Variants in MED15 observed in about 807,000 individuals in gnomAD.
MED15 encodes the protein mediator complex subunit 15.
A neutral mutation model predicts 118.7 loss-of-function variants in MED15; 41 were observed. The observed-to-expected ratio is 0.35, with a 90% CI of 0.27 to 0.45. The LOEUF (loss-of-function observed/expected upper bound fraction) is 0.45. Among genes scored for constraint, MED15 ranks in the 20% least tolerant of loss-of-function variants. The pLI is 1.00. For missense variants in MED15, 740 were observed against 1,025.5 expected, an observed-to-expected ratio of 0.72 and a Z score of 3.80; for synonymous variants, 436 against 413.9, an observed-to-expected ratio of 1.05 and a Z score of -0.65.
At chr22:20,575,908 CGTGGCCAAT>C (rs1299794374) in intron 9 of MED15, among the ~76,000 whole-genome samples, 1 of 152,156 alleles carries the variant, frequency 6.6e-6, no homozygotes, top group Non-Finnish European at 1.5e-5. Flanking sequence ...GACTCCAGAA[CGTGGCCAAT>C]GTGGCCAAAG....
intron 1 of MED15, among the ~76,000 whole-genome samples, chr22:20,535,726 A>ATT (rs1307661597): frequency 6.6e-6 from 1 of 150,718 alleles, no homozygotes; most frequent in East Asian, 2.0e-4. Flanking sequence ...TGCCCAGCTA[A>ATT]TTTTTTGTAT....
At chr22:20,527,508 C>T (rs2054689500) in intron 1 of MED15, among the ~76,000 whole-genome samples, 1 of 151,786 alleles carries the variant, frequency 6.6e-6, no homozygotes, top group African/African-American at 2.4e-5. Flanking sequence ...GTGATGTGTT[C>T]ATGGCTCACT....
At chr22:20,571,349 T>C (rs757263305) in intron 8 of MED15, among the ~76,000 whole-genome samples, 24 of 152,166 alleles carry the variant, frequency 1.6e-4, no homozygotes, top group Non-Finnish European at 2.6e-4. Context: ...GGAAGGAGGA[T>C]GGAGAGTGGT....
chr22:20,548,937 C>T (rs2055663756), intron 2 of MED15, among the ~76,000 whole-genome samples: 1 of 152,126 alleles, frequency 6.6e-6, no homozygotes. Context: ...AGGCCACTGG[C>T]GTGTGCTACC....
rs760307408 is a variant in MED15, at chr22:20,507,717, C to T, written c.39C>T (p.Thr13=). 4.3e-6 allele frequency: 7 copies of T among 1,613,920 alleles called. No homozygotes were observed. The South Asian group carries it at 4.4e-5, about 10-fold the overall frequency. ...GGCAAGAGACCGACTGGCGGAGCAC[C>T]GCCTTCCGGCAGAAGCTGGTCAGTC... The part of the protein sequence containing the change: ...VSGQETDWRS[T]AFRQKLVSQI... The change falls in exon 1 of 18, where the codon ACC becomes ACT. Residue 13 remains threonine, a synonymous_variant. Coordinates refer to ENST00000263205, the MANE Select transcript of MED15 (RefSeq NM_001003891.3).
chr22:20,579,875 G>A (rs1431015836), intron 9 of MED15, among the ~76,000 whole-genome samples: 1 of 152,024 alleles, frequency 6.6e-6, no homozygotes, highest in Non-Finnish European at 1.5e-5. Flanking sequence ...CCTTCCCTAG[G>A]ATGTGTGACA....
chr22:20,549,110 T>C (rs2055671403), intron 2 of MED15, among the ~76,000 whole-genome samples: 1 of 151,892 alleles, frequency 6.6e-6, no homozygotes, highest in Admixed American at 6.6e-5. Context: ...CTCTATGGAG[T>C]TTTTTAAGGT....
chr22:20,582,999 C>T (rs760926900), intron 11 of MED15, 32 bp downstream of exon 11: 6 of 1,601,728 alleles, frequency 3.7e-6, no homozygotes, highest in Middle Eastern at 1.7e-4. Context: ...AAGGTCACTC[C>T]TCACCTTTAT....
Position 20,570,408 on chromosome 22 carries a change from T to C in MED15, c.1152+1777T>C, listed in dbSNP as rs77691211. The stretch of plus-strand genomic sequence containing the variant: ...TTCTTTCTGTCTTTTTTTTTTTTTT[T>C]TGAGACAGAGTCTGACTCTGTCATC... On this transcript the variant is annotated intron_variant, in intron 8 of 17. Coordinates refer to ENST00000263205, the MANE Select transcript of MED15 (RefSeq NM_001003891.3). 4.2e-3 allele frequency among the ~76,000 whole-genome samples: 630 copies of C among 150,960 alleles called. 7 individuals carry two copies. Among genetic ancestry groups the C allele is most frequent in the African/African-American group, 0.015 (602 of 41,200 alleles).
chr22:20,571,106 C>T (rs1267491404), intron 8 of MED15, among the ~76,000 whole-genome samples: 1 of 152,174 alleles, frequency 6.6e-6, no homozygotes, highest in Non-Finnish European at 1.5e-5. Flanking sequence ...AAGTGAATAG[C>T]CATGGAGCAG....
intron 1 of MED15, among the ~76,000 whole-genome samples, chr22:20,536,096 G>T (rs2055071042): frequency 6.6e-6 from 1 of 151,628 alleles, no homozygotes; most frequent in Non-Finnish European, 1.5e-5. Context: ...GGTTGGTCTT[G>T]AACTCCTGAC....
intron 1 of MED15, chr22:20,523,940 G>A (rs1055983610): frequency 1.1e-5 from 8 of 718,016 alleles, no homozygotes; most frequent in Non-Finnish European, 1.4e-5. Context: ...CAGCCCAGAG[G>A]GGTGTACAGT....
intron 1 of MED15, among the ~76,000 whole-genome samples, chr22:20,518,200 CTTTG>C (rs941500242): frequency 7.1e-6 from 1 of 140,214 alleles, no homozygotes; most frequent in African/African-American, 2.7e-5. Context: ...TTAATTTTTT[CTTTG>C]TTTGAGATGG....
intron 1 of MED15, among the ~76,000 whole-genome samples, chr22:20,527,011 A>G (rs2054668683): frequency 1.3e-5 from 2 of 152,160 alleles, no homozygotes; most frequent in South Asian, 4.1e-4. Flanking sequence ...GGGACATGCT[A>G]ACTGGGGAAT....
At chr22:20,557,931 C>T (rs1227731750) in intron 5 of MED15, among the ~76,000 whole-genome samples, 3 of 152,124 alleles carry the variant, frequency 2.0e-5, no homozygotes, top group Non-Finnish European at 1.5e-5. Flanking sequence ...ACGGTGAGAC[C>T]CCGTCTCTAC....
intron 5 of MED15, among the ~76,000 whole-genome samples, chr22:20,563,831 C>G (rs2056331099): frequency 1.3e-5 from 2 of 152,176 alleles, no homozygotes; most frequent in Non-Finnish European, 1.5e-5. Flanking sequence ...TTAGTGTAAT[C>G]CACAGAGTTG....
At chr22:20,538,814 C>T (rs1306019430) in intron 2 of MED15, among the ~76,000 whole-genome samples, 1 of 152,042 alleles carries the variant, frequency 6.6e-6, no homozygotes, top group Non-Finnish European at 1.5e-5. Context: ...ATTCTTCCGC[C>T]TCAGCCTCCC....
chr22:20,555,286 G>A, intron 5 of MED15, 138 bp downstream of exon 5: 1 of 1,002,586 alleles, frequency 1.0e-6, no homozygotes, highest in Non-Finnish European at 1.4e-6. Context: ...TTAAATCTTT[G>A]TTGTATGTGG....
At chr22:20,510,386 AAAAC>A (rs1429186243) in intron 1 of MED15, among the ~76,000 whole-genome samples, 3 of 152,220 alleles carry the variant, frequency 2.0e-5, no homozygotes, top group Non-Finnish European at 2.9e-5. Flanking sequence ...CTCCATCTCA[AAAAC>A]AAACAAACAA....
Sources: allele counts gnomAD v4.1 joint callset (sites outside exome capture counted in the v4.1 genomes callset), GRCh38; gene constraint gnomAD v4.1.1; transcripts MANE v1.5; gene names NCBI Gene and HGNC (gene_info 2026-07-23, HGNC 2026-07-21).